Variants in NELL1 observed in about 807,000 individuals in gnomAD.
NELL1 encodes the protein protein kinase C-binding protein NELL1.
A neutral mutation model predicts 107.4 loss-of-function variants in NELL1; 76 were observed. The ratio of observed to expected loss-of-function variants is 0.71; its 90% CI spans 0.59 to 0.86. The LOEUF (loss-of-function observed/expected upper bound fraction) is 0.86. Among genes scored for constraint, NELL1 ranks in the 40% least tolerant of loss-of-function variants. The pLI is 0.00. For synonymous variants in NELL1, 353 were observed against 341.2 expected, an observed-to-expected ratio of 1.03 and a Z score of -0.38; for missense variants, 1,024 against 1,005.5, an observed-to-expected ratio of 1.02 and a Z score of -0.25.
At chr11:21,013,499 C>A (rs1295700123) in intron 12 of NELL1, among the ~76,000 whole-genome samples, 1 of 152,118 alleles carries the variant, frequency 6.6e-6, no homozygotes, top group African/African-American at 2.4e-5. Flanking sequence ...GAAGATATCA[C>A]CTGCCTATGG....
intron 7 of NELL1, 167 bp from the exon 8 acceptor site, chr11:20,927,141 G>C (rs1002415918): frequency 3.4e-6 from 2 of 583,808 alleles, no homozygotes; most frequent in African/African-American, 3.8e-5. Context: ...ATTCCACCTT[G>C]TGTAAAAAAA....
intron 12 of NELL1, among the ~76,000 whole-genome samples, chr11:21,026,299 C>G (rs1852812613): frequency 6.6e-6 from 1 of 152,130 alleles, no homozygotes; most frequent in Admixed American, 6.6e-5. Flanking sequence ...CTGATTCTCC[C>G]CATGCTTAGC....
At chr11:20,702,495 C>A (rs1212053788) in intron 2 of NELL1, among the ~76,000 whole-genome samples, 1 of 152,066 alleles carries the variant, frequency 6.6e-6, no homozygotes, top group Non-Finnish European at 1.5e-5. Flanking sequence ...ACTGAATACC[C>A]TTTATTTCCT....
chr11:21,546,932 T>A (rs1185007137), intron 16 of NELL1, among the ~76,000 whole-genome samples: 2 of 151,952 alleles, frequency 1.3e-5, no homozygotes, highest in Non-Finnish European at 2.9e-5. Context: ...AAATCACTAG[T>A]CATTTGTTAA....
intron 12 of NELL1, among the ~76,000 whole-genome samples, chr11:21,092,495 G>A (rs535613705): frequency 6.6e-6 from 1 of 152,272 alleles, no homozygotes; most frequent in African/African-American, 2.4e-5. Flanking sequence ...TGTCTGGCAC[G>A]TGGGAAATGT....
chr11:21,531,280 C>T (rs1027656511), intron 15 of NELL1, among the ~76,000 whole-genome samples: 1 of 152,034 alleles, frequency 6.6e-6, no homozygotes, highest in Non-Finnish European at 1.5e-5. Flanking sequence ...CAAAAATAAT[C>T]CTTGCACATA....
At chr11:21,434,252 A>C (rs574892181) in intron 15 of NELL1, among the ~76,000 whole-genome samples, 1 of 152,220 alleles carries the variant, frequency 6.6e-6, no homozygotes, top group South Asian at 2.1e-4. Flanking sequence ...AATCTTACCC[A>C]TAAAATCTGT....
chr11:20,966,296 C>G (rs748572413), intron 12 of NELL1, among the ~76,000 whole-genome samples: 6 of 152,102 alleles, frequency 3.9e-5, no homozygotes, highest in Non-Finnish European at 7.4e-5. Flanking sequence ...GGGGGCAGAA[C>G]TGGCCTTTTT....
At chr11:21,367,765 G>A (rs1189979523) in intron 14 of NELL1, among the ~76,000 whole-genome samples, 2 of 152,008 alleles carry the variant, frequency 1.3e-5, no homozygotes, top group Admixed American at 1.3e-4. Flanking sequence ...CAGAGGAGTG[G>A]AATGATTTGC....
At chr11:20,822,524 G>T (rs1857780440) in intron 3 of NELL1, among the ~76,000 whole-genome samples, 2 of 152,296 alleles carry the variant, frequency 1.3e-5, no homozygotes, top group Non-Finnish European at 2.9e-5. Flanking sequence ...CCCAGGGCCT[G>T]CAGGTGTGGG....
chr11:21,034,434 A>G (rs1162992133), intron 12 of NELL1, among the ~76,000 whole-genome samples: 2 of 152,214 alleles, frequency 1.3e-5, no homozygotes, highest in Non-Finnish European at 1.5e-5. Flanking sequence ...CCCAAAAATA[A>G]CAGAATATAC....
At chr11:21,198,677 A>G (rs1303947889) in intron 13 of NELL1, among the ~76,000 whole-genome samples, 13 of 152,178 alleles carry the variant, frequency 8.5e-5, no homozygotes, top group Non-Finnish European at 1.9e-4. Context: ...TCACTGGAGC[A>G]ATGTTCATAG....
At chr11:21,043,625 G>T (rs1325654134) in intron 12 of NELL1, among the ~76,000 whole-genome samples, 1 of 152,258 alleles carries the variant, frequency 6.6e-6, no homozygotes, top group South Asian at 2.1e-4. Context: ...CCAACGACTG[G>T]TTTTTGGTGA....
intron 13 of NELL1, among the ~76,000 whole-genome samples, chr11:21,137,803 G>A (rs989432347): frequency 6.6e-6 from 1 of 152,186 alleles, no homozygotes; most frequent in African/African-American, 2.4e-5. Context: ...AAAGGTCCAA[G>A]CCGGAAGAGG....
chr11:21,173,641 G>C (rs936940391), intron 13 of NELL1, among the ~76,000 whole-genome samples: 10 of 151,848 alleles, frequency 6.6e-5, no homozygotes, highest in African/African-American at 2.2e-4. Flanking sequence ...TTCAAGAAGA[G>C]GCAAGCACAT....
intron 15 of NELL1, among the ~76,000 whole-genome samples, chr11:21,485,728 G>T (rs113793107): frequency 6.6e-6 from 1 of 151,568 alleles, no homozygotes; most frequent in African/African-American, 2.4e-5. Flanking sequence ...ATAATCTGGG[G>T]ACCATCCCAT....
At chr11:21,316,260 A>G (rs1849879121) in intron 14 of NELL1, among the ~76,000 whole-genome samples, 1 of 152,124 alleles carries the variant, frequency 6.6e-6, no homozygotes, top group Admixed American at 6.6e-5. Context: ...TCAAGTTATG[A>G]CTTTTATTTG....
intron 12 of NELL1, among the ~76,000 whole-genome samples, chr11:21,029,128 A>C (rs1852891295): frequency 6.6e-6 from 1 of 152,216 alleles, no homozygotes; most frequent in African/African-American, 2.4e-5. Flanking sequence ...TTTGGGTGGT[A>C]AGGATGTGCT....
intron 14 of NELL1, among the ~76,000 whole-genome samples, chr11:21,299,730 T>C (rs1849453340): frequency 6.6e-6 from 1 of 151,986 alleles, no homozygotes; most frequent in Admixed American, 6.6e-5. Flanking sequence ...CTTTGACATC[T>C]GAAAGCAATA....
Sources: allele counts gnomAD v4.1 joint callset (sites outside exome capture counted in the v4.1 genomes callset), GRCh38; gene constraint gnomAD v4.1.1; transcripts MANE v1.5; gene names NCBI Gene and HGNC (gene_info 2026-07-23, HGNC 2026-07-21).